The following PTPRM variants were observed in gnomAD, a reference collection of about 807,000 sequenced individuals.
PTPRM encodes receptor-type tyrosine-protein phosphatase mu.
PTPRM carries 47 observed loss-of-function variants against 186.7 expected under a neutral mutation model. The ratio of observed to expected loss-of-function variants is 0.25; its 90% CI spans 0.20 to 0.32. The LOEUF (loss-of-function observed/expected upper bound fraction) is 0.32, where lower values mean the gene tolerates loss of function less well. Among genes scored for constraint, PTPRM ranks in the 10% least tolerant of loss-of-function variants. The pLI, the probability that PTPRM is intolerant of heterozygous loss-of-function variation, is 1.00. For missense variants in PTPRM, 1,494 were observed against 1,865.0 expected, an observed-to-expected ratio of 0.80 and a Z score of 3.66; for synonymous variants, 668 against 674.9, an observed-to-expected ratio of 0.99 and a Z score of 0.16.
intron 1 of PTPRM, among the ~76,000 whole-genome samples, chr18:7,690,236 T>A (rs1025233701): frequency 6.6e-6 from 1 of 152,216 alleles, no homozygotes; most frequent in Non-Finnish European, 1.5e-5. Context: ...GCCCTCTTGC[T>A]AGTCACAGGT....
At position 7,567,756 on chromosome 18, in the gene PTPRM, C is replaced by T. The variant is rs1403532989; in HGVS notation, c.-63C>T. 6 of 1,424,700 alleles carry T rather than the reference C, an allele frequency of 4.2e-6. No homozygotes were observed. Among genetic ancestry groups the T allele is most frequent in the African/African-American group, 1.5e-5 (1 of 65,780 alleles). 88.3% of individuals were successfully genotyped at this position (1,424,700 alleles called of 1,614,324 possible). On this transcript the variant is annotated 5_prime_UTR_variant, in exon 1 of 33. Transcript: ENST00000580170. This position sits in a 1 kb window ranked among gnomAD's most constrained non-coding sequence, Gnocchi z 4.3. ...CTGCCTCGGAACCAAAGCTCCCGGCCCCCTCCGCCCTCGCGCGCCCACCCA... is the reference window on the plus strand; with the variant it reads ...CTGCCTCGGAACCAAAGCTCCCGGCTCCCTCCGCCCTCGCGCGCCCACCCA...
intron 1 of PTPRM, among the ~76,000 whole-genome samples, chr18:7,597,804 G>A (rs2037302961): frequency 6.6e-6 from 1 of 152,094 alleles, no homozygotes; most frequent in East Asian, 1.9e-4. Context: ...AAAGATTTCA[G>A]AAACCACACT....
intron 14 of PTPRM, among the ~76,000 whole-genome samples, chr18:8,221,064 C>G (rs2147069775): frequency 6.6e-6 from 1 of 151,572 alleles, no homozygotes; most frequent in Non-Finnish European, 1.5e-5. Context: ...CTTGAAGTCT[C>G]TTTTTTTTTC....
intron 2 of PTPRM, among the ~76,000 whole-genome samples, chr18:7,882,146 A>C (rs562375533): frequency 6.6e-6 from 1 of 152,332 alleles, no homozygotes; most frequent in East Asian, 1.9e-4. Flanking sequence ...ACAGAAACTG[A>C]GAGCAAGTCT....
At chr18:7,827,262 C>G (rs1348842108) in intron 2 of PTPRM, among the ~76,000 whole-genome samples, 2 of 152,164 alleles carry the variant, frequency 1.3e-5, no homozygotes, top group African/African-American at 4.8e-5. Flanking sequence ...ACAGTACTTT[C>G]CTTCAATCAT....
chr18:8,387,579 G>C (rs2095784813), intron 31 of PTPRM, among the ~76,000 whole-genome samples: 1 of 150,888 alleles, frequency 6.6e-6, no homozygotes, highest in African/African-American at 2.5e-5. Flanking sequence ...GTCTTCAACT[G>C]TTGGTAACTT....
intron 11 of PTPRM, among the ~76,000 whole-genome samples, chr18:8,105,419 C>A (rs1471531814): frequency 6.6e-6 from 1 of 152,120 alleles, no homozygotes; most frequent in Non-Finnish European, 1.5e-5. Context: ...ATTTTGGAAA[C>A]TAAGTTTGTT....
At position 7,702,862 on chromosome 18, in the gene PTPRM, A is replaced by T. The variant is rs531966537; in HGVS notation, c.74-71287A>T. ...TATGTCTTTAATCCACCTTGAGTTA[A>T]TTTTTTAATAAGGTGTAAGGAAGGG... On this transcript the variant is annotated intron_variant, in intron 1 of 32. Coordinates refer to ENST00000580170, the MANE Select transcript of PTPRM (RefSeq NM_001105244.2). 1.7e-4 allele frequency among the ~76,000 whole-genome samples: 26 copies of T among 152,248 alleles called. No homozygotes were observed. In the East Asian group the frequency reaches 2.7e-3, roughly 16 times the overall value.
chr18:8,077,965 T>C (rs1444637000), intron 9 of PTPRM, among the ~76,000 whole-genome samples: 2 of 152,216 alleles, frequency 1.3e-5, no homozygotes, highest in African/African-American at 4.8e-5. Context: ...CAGCCAGGAC[T>C]ACCCAGTTGA....
At chr18:8,329,896 T>C (rs1403582815) in intron 22 of PTPRM, among the ~76,000 whole-genome samples, 1 of 152,174 alleles carries the variant, frequency 6.6e-6, no homozygotes, top group African/African-American at 2.4e-5. Context: ...GCTCCTCGGC[T>C]CAAGGGATCC....
intron 1 of PTPRM, among the ~76,000 whole-genome samples, chr18:7,710,414 C>CTA (rs2040187607): frequency 6.6e-6 from 1 of 152,116 alleles, no homozygotes; most frequent in African/African-American, 2.4e-5. Context: ...TAAAAGCCAT[C>CTA]TATGTAAAAC....
chr18:7,934,799 T>G (rs1261113367), intron 5 of PTPRM, among the ~76,000 whole-genome samples: 2 of 152,184 alleles, frequency 1.3e-5, no homozygotes, highest in Non-Finnish European at 2.9e-5. Context: ...GAGCTCGGAT[T>G]TGAACCCAGG....
At chr18:8,288,840 G>T (rs575570935) in intron 19 of PTPRM, among the ~76,000 whole-genome samples, 2 of 152,294 alleles carry the variant, frequency 1.3e-5, no homozygotes, top group Admixed American at 1.3e-4. Context: ...AGAAAGAAAG[G>T]CAACTTGATT....
chr18:7,837,359 T>G (rs2046101222), intron 2 of PTPRM, among the ~76,000 whole-genome samples: 1 of 152,252 alleles, frequency 6.6e-6, no homozygotes, highest in Non-Finnish European at 1.5e-5. Flanking sequence ...TGATTGATAC[T>G]TTTTAATTAT....
rs140024624 is a variant in PTPRM, at chr18:7,595,271, A to T, written c.73+27380A>T. ...TGGAACAGGTATTGTGTGGGGAGCC[A>T]TTATGACTATAGGAGAACTTTAGGA... On this transcript the variant is annotated intron_variant, in intron 1 of 32. Coordinates refer to ENST00000580170, the MANE Select transcript of PTPRM (RefSeq NM_001105244.2). Among the ~76,000 whole-genome samples the T allele has an allele frequency of 6.4e-4, 97 of 152,328 alleles. 2 individuals carry two copies. The East Asian group carries it at 0.015, about 23-fold the overall frequency.
intron 1 of PTPRM, among the ~76,000 whole-genome samples, chr18:7,736,904 TATAAAATA>T (rs1251297401): frequency 2.2e-4 from 33 of 152,156 alleles, no homozygotes; most frequent in Non-Finnish European, 2.4e-4. Flanking sequence ...TATAAAACAA[TATAAAATA>T]ATATGAGAGG....
At chr18:8,118,548 C>T (rs2092043636) in intron 13 of PTPRM, among the ~76,000 whole-genome samples, 1 of 152,034 alleles carries the variant, frequency 6.6e-6, no homozygotes, top group African/African-American at 2.4e-5. Flanking sequence ...GCCTGTAATC[C>T]CAGCACTTTG....
intron 22 of PTPRM, among the ~76,000 whole-genome samples, chr18:8,321,477 C>T (rs1338924113): frequency 1.3e-5 from 2 of 152,248 alleles, no homozygotes; most frequent in Non-Finnish European, 2.9e-5. Flanking sequence ...AGAGAAGTCA[C>T]TTTCTGCAGA....
chr18:8,194,595 C>A (rs1228189608), intron 14 of PTPRM, among the ~76,000 whole-genome samples: 2 of 152,130 alleles, frequency 1.3e-5, no homozygotes. Context: ...ATTCATTAGG[C>A]CTTACTGGTT....
Sources: allele counts gnomAD v4.1 joint callset (sites outside exome capture counted in the v4.1 genomes callset), GRCh38; gene constraint gnomAD v4.1.1; non-coding constraint Gnocchi (gnomAD v3.1); transcripts MANE v1.5; gene names NCBI Gene and HGNC (gene_info 2026-07-23, HGNC 2026-07-21).